The following CNTN5 variants were observed in gnomAD, a reference collection of about 807,000 sequenced individuals.
The protein encoded by CNTN5 is contactin-5.
In CNTN5, 77 loss-of-function variants were observed where a neutral mutation model predicts 129.1. The ratio of observed to expected loss-of-function variants is 0.60; its 90% CI spans 0.50 to 0.72. CNTN5 has a LOEUF of 0.72. Among genes scored for constraint, CNTN5 ranks in the 30% least tolerant of loss-of-function variants. The probability of loss-of-function intolerance (pLI) is 0.00; values close to 1 mark genes in which losing one functional copy is unlikely to be tolerated. For missense variants in CNTN5, 1,478 were observed against 1,328.8 expected (o/e 1.11, Z -1.75); for synonymous variants, 509 against 465.6 (o/e 1.09, Z -1.20).
At chr11:99,834,973 C>G (rs565090973) in intron 4 of CNTN5, among the ~76,000 whole-genome samples, 1 of 152,298 alleles carries the variant, frequency 6.6e-6, no homozygotes, top group East Asian at 1.9e-4. Context: ...CAGAGTAATT[C>G]AGGAGTTTCC....
intron 23 of CNTN5, among the ~76,000 whole-genome samples, chr11:100,341,869 C>T (rs551028744): frequency 1.3e-5 from 2 of 151,802 alleles, no homozygotes; most frequent in South Asian, 4.1e-4. Flanking sequence ...TTGCATTAAA[C>T]TTCACACAGA....
chr11:99,469,049 T>C (rs1431070774), intron 2 of CNTN5, among the ~76,000 whole-genome samples: 1 of 152,186 alleles, frequency 6.6e-6, no homozygotes, highest in Non-Finnish European at 1.5e-5. Flanking sequence ...TTAGAAAGTT[T>C]AAAATTAGCT....
At chr11:99,610,903 A>T (rs1400867196) in intron 3 of CNTN5, among the ~76,000 whole-genome samples, 1 of 152,202 alleles carries the variant, frequency 6.6e-6, no homozygotes, top group Non-Finnish European at 1.5e-5. Flanking sequence ...AAGCAGCGCT[A>T]TGTGCTTAGA....
chr11:99,989,487 G>C (rs992236788), intron 8 of CNTN5, among the ~76,000 whole-genome samples: 8 of 149,730 alleles, frequency 5.3e-5, no homozygotes, highest in Non-Finnish European at 1.0e-4. Context: ...TATTCAAAAG[G>C]CTCCAATTCT....
chr11:99,458,961 A>G (rs899294277), intron 2 of CNTN5, among the ~76,000 whole-genome samples: 23 of 152,030 alleles, frequency 1.5e-4, no homozygotes, highest in African/African-American at 5.6e-4. Flanking sequence ...TAATGAACCT[A>G]GAGAGCTGTT....
At chr11:99,963,444 G>A (rs1009673468) in intron 8 of CNTN5, among the ~76,000 whole-genome samples, 3 of 151,894 alleles carry the variant, frequency 2.0e-5, no homozygotes, top group African/African-American at 7.3e-5. Context: ...TTTTTGTCAG[G>A]TTTGTCAAAG....
chr11:100,289,445 C>T (rs1950895785), intron 18 of CNTN5, among the ~76,000 whole-genome samples: 1 of 150,824 alleles, frequency 6.6e-6, no homozygotes, highest in South Asian at 2.1e-4. Context: ...GGATGCAAGG[C>T]TGGTTCAATA....
At chr11:99,429,842 C>T (rs1943290516) in intron 2 of CNTN5, among the ~76,000 whole-genome samples, 1 of 151,622 alleles carries the variant, frequency 6.6e-6, no homozygotes, top group African/African-American at 2.4e-5. Context: ...GAGAGTAGCC[C>T]CCGCCCCCAT....
intron 8 of CNTN5, among the ~76,000 whole-genome samples, chr11:99,997,795 AG>A (rs898834832): frequency 6.6e-6 from 1 of 152,126 alleles, no homozygotes; most frequent in African/African-American, 2.4e-5. Context: ...CACATCAAAA[AG>A]CTTATCCACC....
At chr11:99,109,664 C>T (rs958935254) in intron 1 of CNTN5, among the ~76,000 whole-genome samples, 1 of 152,058 alleles carries the variant, frequency 6.6e-6, no homozygotes, top group Non-Finnish European at 1.5e-5. Flanking sequence ...GAACCATCGG[C>T]ATTTGAATTA....
At chr11:99,450,260 A>C (rs1414617561) in intron 2 of CNTN5, among the ~76,000 whole-genome samples, 1 of 7,902 alleles carries the variant, frequency 1.3e-4, no homozygotes, top group Non-Finnish European at 2.5e-4. Context: ...TGGTAGAAAT[A>C]TATATATATA....
chr11:99,814,886 G>A (rs1946534157), intron 3 of CNTN5, among the ~76,000 whole-genome samples: 1 of 152,134 alleles, frequency 6.6e-6, no homozygotes, highest in Non-Finnish European at 1.5e-5. Flanking sequence ...GTGGCCTCAG[G>A]AAACTTACAA....
intron 8 of CNTN5, among the ~76,000 whole-genome samples, chr11:99,972,933 A>T (rs1937673557): frequency 7.4e-6 from 1 of 135,308 alleles, no homozygotes; most frequent in African/African-American, 2.6e-5. Flanking sequence ...AAATGTACTG[A>T]GTGTTTCCGT....
chr11:100,259,554 T>C (rs1950153538), intron 17 of CNTN5, among the ~76,000 whole-genome samples: 2 of 151,854 alleles, frequency 1.3e-5, no homozygotes, highest in African/African-American at 4.8e-5. Context: ...AGTAAAACGC[T>C]CCTCAACAAA....
At chr11:99,292,253 T>A (rs201109762) in intron 1 of CNTN5, among the ~76,000 whole-genome samples, 1 of 147,648 alleles carries the variant, frequency 6.8e-6, no homozygotes, top group Non-Finnish European at 1.5e-5. Flanking sequence ...CTTACAAAGT[T>A]AAAAAAAAAA....
intron 3 of CNTN5, among the ~76,000 whole-genome samples, chr11:99,615,081 ATATAT>A (rs1032963347): frequency 5.1e-4 from 55 of 107,862 alleles, no homozygotes; most frequent in African/African-American, 1.7e-3. Flanking sequence ...ATATAAAAAT[ATATAT>A]TATATAGATA....
At position 100,357,822 on chromosome 11, in the gene CNTN5, G is replaced by A. The variant is rs1289376335; in HGVS notation, c.*1602G>A. 1 of 151,658 alleles carries A rather than the reference G, an allele frequency of 6.6e-6. No homozygotes were observed. The highest frequency in any genetic ancestry group is 1.5e-5 in the Non-Finnish European group (1 of 67,792). The allele number at this position is 151,658 out of a possible 1,614,324, so 9.4% of individuals were successfully genotyped here. On this transcript the variant is annotated 3_prime_UTR_variant, in exon 25 of 25. Transcript: ENST00000524871. ...CTGTTCTGAACATCCTGAAAGAATA[G>A]TTTCAGAGCCACAGTAAAAGTCTGT...
At chr11:100,031,336 C>A (rs960053540) in intron 9 of CNTN5, among the ~76,000 whole-genome samples, 1 of 152,162 alleles carries the variant, frequency 6.6e-6, no homozygotes, top group Non-Finnish European at 1.5e-5. Flanking sequence ...TGATGTGCTT[C>A]CCCCTGCAGA....
intron 3 of CNTN5, among the ~76,000 whole-genome samples, chr11:99,789,126 A>G (rs1044796936): frequency 2.0e-5 from 3 of 152,006 alleles, no homozygotes. Context: ...AAGAATCAGT[A>G]GTTGCATATC....
Sources: gnomAD v4.1 joint callset for allele counts (sites outside exome capture counted in the v4.1 genomes callset) on GRCh38, gnomAD v4.1.1 for gene constraint, MANE v1.5 for transcripts, NCBI Gene and HGNC (gene_info 2026-07-23, HGNC 2026-07-21) for gene names.